The following SYNE2 variants were observed in gnomAD, a reference collection of about 807,000 sequenced individuals.
SYNE2 encodes the protein spectrin repeat containing nuclear envelope protein 2, also known as nesprin-2.
In SYNE2, 431 loss-of-function variants were observed where a neutral mutation model predicts 856.3. That is an observed-to-expected ratio of 0.50 (90% CI 0.47 to 0.55). SYNE2 has a LOEUF of 0.55. Ranked by LOEUF, SYNE2 falls within the 20% of genes least tolerant of loss-of-function variation. The probability of loss-of-function intolerance (pLI) is 0.00; values close to 1 mark genes in which losing one functional copy is unlikely to be tolerated. For synonymous variants in SYNE2, 2,923 were observed against 2,872.3 expected (o/e 1.02, Z -0.56); for missense variants, 8,129 against 8,023.2 (o/e 1.01, Z -0.50).
chr14:63,808,656 C>T (rs1888483078), intron 1 of SYNE2: 1 of 152,330 alleles, frequency 6.6e-6, no homozygotes, highest in East Asian at 1.9e-4. Context: ...TTGTGGACAA[C>T]AGGAGCCACT....
chr14:63,949,890 G>C lies in SYNE2; in HGVS notation c.474G>C (p.Val158=), dbSNP rs146337424. The change falls in exon 7 of 116, where the codon GTG becomes GTC. Residue 158 remains valine (V), a synonymous_variant. Coordinates refer to ENST00000555002, the MANE Select transcript of SYNE2 (RefSeq NM_182914.3). The stretch of plus-strand genomic sequence containing the variant: ...AGCCTTCCCTGGATGATGTGAGTGT[G>C]GTTGACTCATCTCCTGCCTCAAGTC... ...YNQPSLDDVS[V]VDSSPASSPP... The C allele has an allele frequency of 1.4e-5, 23 of 1,614,090 alleles. No individual in the cohort carries two copies. Among genetic ancestry groups the C allele is most frequent in the Middle Eastern group, 1.7e-4 (1 of 6,060 alleles).
At chr14:64,182,788 C>T (rs575992559) in intron 96 of SYNE2, among the ~76,000 whole-genome samples, 180 of 152,356 alleles carry the variant, frequency 1.2e-3, no homozygotes, top group Admixed American at 8.4e-3. Flanking sequence ...CTACTTCTTT[C>T]TACACAGACA....
Position 64,024,409 on chromosome 14 carries a change from A to G in SYNE2, c.5790A>G (p.Ile1930Met). The change falls in exon 39 of 116, where the codon ATA becomes ATG. Residue 1930 changes from isoleucine (I) to methionine (M), a missense_variant. Physicochemically the swap from Ile to Met is conservative, Grantham distance 10. Coordinates refer to ENST00000555002, the MANE Select transcript of SYNE2 (RefSeq NM_182914.3). ...QEFELEKMES[I>M]CQARAKELED... ...TCGAATTAGAAAAAATGGAGTCCAT[A>G]TGCCAGGCTCGAGCAAAGGAGCTTG... is the stretch of plus-strand genomic sequence containing the variant. 1.2e-6 allele frequency: 2 copies of G among 1,614,172 alleles called. No homozygotes were observed. Among genetic ancestry groups the G allele is most frequent in the South Asian group, 2.2e-5 (2 of 91,088 alleles).
chr14:64,049,497 T>A lies in SYNE2; in HGVS notation c.7378-114T>A. ...CAACTTTAGTTACCCTGTGTGCAAA[T>A]GAGTTACCCTCTTCCTGAGATAGAG... is the stretch of plus-strand genomic sequence containing the variant. On this transcript the variant is annotated intron_variant, in intron 46 of 115. Transcript: ENST00000555002. 3.1e-6 allele frequency: 3 copies of A among 965,310 alleles called. No homozygotes were observed. The South Asian group carries it at 4.7e-5, about 15-fold the overall frequency. 59.8% of individuals were successfully genotyped at this position (965,310 alleles called of 1,614,324 possible).
At chr14:63,953,407 A>G (rs1783392443) in intron 7 of SYNE2, among the ~76,000 whole-genome samples, 1 of 152,190 alleles carries the variant, frequency 6.6e-6, no homozygotes, top group East Asian at 1.9e-4. Context: ...TCTGTAAGAG[A>G]GGGGAGATAC....
chr14:64,009,592 T>C (rs1259233230), intron 31 of SYNE2, among the ~76,000 whole-genome samples: 1 of 150,602 alleles, frequency 6.6e-6, no homozygotes, highest in African/African-American at 2.4e-5. Context: ...TGTGACTTGC[T>C]GAATTAATAT....
At chr14:64,220,410 T>C (rs768303969) in intron 110 of SYNE2, 27 bp from the exon 111 acceptor site, 2 of 1,613,670 alleles carry the variant, frequency 1.2e-6, no homozygotes, top group Non-Finnish European at 1.7e-6. Flanking sequence ...TCAGAGCTCC[T>C]AACCTCATCT....
intron 104 of SYNE2, 35 bp from the exon 105 acceptor site, chr14:64,212,776 T>C (rs751802834): frequency 1.2e-6 from 2 of 1,607,866 alleles, no homozygotes; most frequent in South Asian, 1.1e-5. Flanking sequence ...CAGGGTAACT[T>C]TCTTTGAAAT....
Position 64,143,956 on chromosome 14 carries a change from C to T in SYNE2, c.15483+8C>T, listed in dbSNP as rs898786593. The stretch of plus-strand genomic sequence containing the variant: ...GGAATGCTGAATAGAAAGGTGTGTT[C>T]CTGCGTCACAACTGGATGTGTGGTT... On this transcript the variant is annotated splice_region_variant and intron_variant, in intron 83 of 115. Coordinates refer to ENST00000555002, the MANE Select transcript of SYNE2 (RefSeq NM_182914.3). 1 of 1,613,940 alleles carries T rather than the reference C, an allele frequency of 6.2e-7. No homozygotes were observed. The highest frequency in any genetic ancestry group is 1.3e-5 in the African/African-American group (1 of 74,902).
intron 111 of SYNE2, 91 bp downstream of exon 111, chr14:64,220,728 C>A (rs1457359506): frequency 4.9e-6 from 7 of 1,432,140 alleles, no homozygotes; most frequent in Non-Finnish European, 6.7e-6. Flanking sequence ...CAGGCTGCTT[C>A]CGTGCAGCCA....
intron 1 of SYNE2, among the ~76,000 whole-genome samples, chr14:63,778,201 T>A (rs770944360): frequency 5.9e-5 from 9 of 152,178 alleles, no homozygotes; most frequent in Non-Finnish European, 1.3e-4. Flanking sequence ...GGTGGGTTTA[T>A]AAGGCAGTTT....
Position 64,087,700 on chromosome 14 carries a change from C to T in SYNE2, c.11514C>T (p.His3838=). 6.2e-7 allele frequency: 1 copy of T among 1,614,100 alleles called. No individual in the cohort carries two copies. The highest frequency in any genetic ancestry group is 8.5e-7 in the Non-Finnish European group (1 of 1,180,010). ...QMALEDSEQK[H]NLLHSIFMDL... is the part of the protein sequence containing the mutation. ...CTTTGGAAGATTCAGAACAGAAGCA[C>T]AATCTTTTACATTCAATCTTTATGG... The change falls in exon 58 of 116, where the codon CAC becomes CAT. Residue 3838 remains histidine, a synonymous_variant. Coordinates refer to ENST00000555002, the MANE Select transcript of SYNE2 (RefSeq NM_182914.3).
rs1242329083 is a variant in SYNE2, at chr14:63,888,740, A to G, written c.-51-20358A>G. On this transcript the variant is annotated intron_variant, in intron 1 of 115. Coordinates refer to ENST00000555002, the MANE Select transcript of SYNE2 (RefSeq NM_182914.3). ...ATTTTCTACCCTTTGTCTTCTTGAG[A>G]TGTTTTAGGAGACTAATCCTTGTTG... Among the ~76,000 whole-genome samples, 10 of 152,310 alleles carry G rather than the reference A, an allele frequency of 6.6e-5. No homozygotes were observed. In the East Asian group the frequency reaches 1.7e-3, roughly 26 times the overall value.
intron 1 of SYNE2, among the ~76,000 whole-genome samples, chr14:63,799,872 T>C (rs1489804914): frequency 6.6e-6 from 1 of 152,202 alleles, no homozygotes; most frequent in Admixed American, 6.5e-5. Context: ...ATGGCATCTT[T>C]CTTTCGCTCT....
chr14:64,168,883 G>A lies in SYNE2; in HGVS notation c.16912G>A (p.Glu5638Lys), dbSNP rs751734028. ...LEQQKTYKML[E>K]AEVSINQTIA... ...TGCTTGGACTCATATACAGATGTTAGAAGCTGAAGTTTCTATAAACCAGAC... is the reference window on the plus strand; with the variant it reads ...TGCTTGGACTCATATACAGATGTTAAAAGCTGAAGTTTCTATAAACCAGAC... Residue 5638 changes from glutamate (E) to lysine (K), a missense_variant, in exon 93 of 116, where the codon GAA (glutamate) becomes AAA (lysine). Around this residue, in one of 3 missense-constraint regions of SYNE2, gnomAD observed 5,410 missense variants for 5,284.8 expected, o/e 1.02. Transcript: ENST00000555002. The A allele has an allele frequency of 5.8e-5, 93 of 1,612,716 alleles. No individual in the cohort carries two copies. The highest frequency in any genetic ancestry group is 1.0e-5 in the Non-Finnish European group (12 of 1,178,942).
At chr14:64,034,283 A>C (rs2097067619) in intron 45 of SYNE2, among the ~76,000 whole-genome samples, 1 of 152,136 alleles carries the variant, frequency 6.6e-6, no homozygotes, top group Admixed American at 6.6e-5. Flanking sequence ...CTTGAGACTT[A>C]TTTTGTGCTA....
At position 63,825,383 on chromosome 14, in the gene SYNE2, A is replaced by G. The variant is rs138747121; in HGVS notation, c.-304-27118A>G. Among the ~76,000 whole-genome samples the G allele has an allele frequency of 1.6e-3, 241 of 152,274 alleles. No individual in the cohort carries two copies. The Middle Eastern group carries it at 0.02, about 13-fold the overall frequency. ...TATCTACAAAAAAACACCAAAACTA[A>G]TGTGTTTACCAAGGTTGCAAGATAT... On this transcript the variant is annotated intron_variant, in intron 1 of 23. Coordinates refer to the SYNE2 transcript ENST00000674003.
intron 60 of SYNE2, among the ~76,000 whole-genome samples, chr14:64,091,857 TATTTTTC>T (rs958058654): frequency 6.6e-6 from 1 of 152,178 alleles, no homozygotes; most frequent in Non-Finnish European, 1.5e-5. Flanking sequence ...CTGTAAGGGT[TATTTTTC>T]ATTTTTCATG....
At chr14:63,981,221 T>C in intron 16 of SYNE2, 48 bp downstream of exon 16, 1 of 1,480,528 alleles carries the variant, frequency 6.8e-7, no homozygotes, top group Non-Finnish European at 9.4e-7. Context: ...TTTAATTGTT[T>C]TATTTTGTGA....
Sources: allele counts gnomAD v4.1 joint callset (sites outside exome capture counted in the v4.1 genomes callset), GRCh38; gene constraint gnomAD v4.1.1; regional missense constraint gnomAD v4.1.1; transcripts MANE v1.5; gene names NCBI Gene and HGNC (gene_info 2026-07-23, HGNC 2026-07-21).